The following KDM4B variants were observed in gnomAD, a reference collection of about 807,000 sequenced individuals.
The protein encoded by KDM4B is lysine demethylase 4B.
A neutral mutation model predicts 125.2 loss-of-function variants in KDM4B; 32 were observed. The ratio of observed to expected loss-of-function variants is 0.26; its 90% confidence interval spans 0.19 to 0.34. KDM4B has a LOEUF of 0.34. Ranked by LOEUF, KDM4B falls within the 10% of genes least tolerant of loss-of-function variation. The pLI, the probability that KDM4B is intolerant of heterozygous loss-of-function variation, is 1.00. For synonymous variants in KDM4B, 721 were observed against 677.9 expected (o/e 1.06, Z -0.99); for missense variants, 1,190 against 1,577.7 (o/e 0.75, Z 4.16).
intron 9 of KDM4B, among the ~76,000 whole-genome samples, chr19:5,092,830 G>A (rs2038738756): frequency 1.3e-5 from 2 of 152,178 alleles, no homozygotes; most frequent in South Asian, 2.1e-4. Flanking sequence ...AGGGCATCCC[G>A]GCTCATGGCT....
intron 1 of KDM4B, among the ~76,000 whole-genome samples, chr19:4,987,096 T>C (rs1599360387): frequency 6.6e-6 from 1 of 151,750 alleles, no homozygotes; most frequent in Non-Finnish European, 1.5e-5. Context: ...GTAGCTGGGA[T>C]CACAGGCGCC....
intron 9 of KDM4B, among the ~76,000 whole-genome samples, chr19:5,104,699 G>A (rs909653955): frequency 6.6e-6 from 1 of 151,964 alleles, no homozygotes; most frequent in African/African-American, 2.4e-5. Flanking sequence ...TAGGTGGAGC[G>A]TATTGGAACT....
At chr19:5,003,538 G>A (rs11671933) in intron 1 of KDM4B, among the ~76,000 whole-genome samples, 1 of 152,024 alleles carries the variant, frequency 6.6e-6, no homozygotes, top group African/African-American at 2.4e-5. Context: ...GCCAGGTGCA[G>A]TGGCTCACAC....
chr19:5,107,709 GGGCTGGGCAT>G (rs896553409), intron 9 of KDM4B, among the ~76,000 whole-genome samples: 3 of 152,190 alleles, frequency 2.0e-5, no homozygotes, highest in African/African-American at 7.2e-5. Flanking sequence ...CTCGCAGTGG[GGGCTGGGCAT>G]GTTCAGCAGG....
rs375400827 is a variant in KDM4B, at chr19:5,067,008, A to G, written c.627-4002A>G. Reference sequence around the variant, plus strand: ...GTGAGTCCTCAGACCTCCTAATAGCATTCGCCCTGATTTAGAACCAGATTC... The same window carrying G: ...GTGAGTCCTCAGACCTCCTAATAGCGTTCGCCCTGATTTAGAACCAGATTC... On this transcript the variant is annotated intron_variant, in intron 6 of 22. Coordinates refer to ENST00000159111, the MANE Select transcript of KDM4B (RefSeq NM_015015.3). Among the ~76,000 whole-genome samples, 278 of 152,160 alleles carry G rather than the reference A, an allele frequency of 1.8e-3. 2 individuals are homozygous for G. The highest frequency in any genetic ancestry group is 6.5e-3 in the African/African-American group (271 of 41,504).
chr19:4,973,399 G>T (rs2034328568), intron 1 of KDM4B, among the ~76,000 whole-genome samples: 1 of 152,118 alleles, frequency 6.6e-6, no homozygotes, highest in African/African-American at 2.4e-5. Context: ...ATGTTGACCA[G>T]GCTGGTCTCA....
chr19:5,091,500 C>G (rs183925674), intron 9 of KDM4B, among the ~76,000 whole-genome samples: 1 of 152,150 alleles, frequency 6.6e-6, no homozygotes, highest in South Asian at 2.1e-4. Context: ...ACGGCCCACT[C>G]GGCACCACCC....
At chr19:5,091,382 C>A (rs914698540) in intron 9 of KDM4B, among the ~76,000 whole-genome samples, 2 of 152,166 alleles carry the variant, frequency 1.3e-5, no homozygotes, top group Non-Finnish European at 2.9e-5. Flanking sequence ...GTGTGCCAGC[C>A]TCCCCGGGGA....
At chr19:5,045,912 C>G (rs2145697263) in intron 5 of KDM4B, among the ~76,000 whole-genome samples, 1 of 152,332 alleles carries the variant, frequency 6.6e-6, no homozygotes, top group East Asian at 1.9e-4. Context: ...GCCTGGCCAT[C>G]TTTTTCTGTT....
At chr19:5,062,157 G>T (rs747599276) in intron 6 of KDM4B, among the ~76,000 whole-genome samples, 3 of 152,198 alleles carry the variant, frequency 2.0e-5, no homozygotes, top group African/African-American at 4.8e-5. Flanking sequence ...AGCAGGCTGC[G>T]GTTGGTGACA....
intron 1 of KDM4B, among the ~76,000 whole-genome samples, chr19:4,979,133 A>C (rs1430685266): frequency 6.6e-6 from 1 of 151,854 alleles, no homozygotes; most frequent in Admixed American, 6.6e-5. Flanking sequence ...AACTAGAAAA[A>C]ATTTGCCAGA....
rs1201810480 is a variant in KDM4B, at chr19:5,152,524, G to A, written c.*1013G>A. The A allele has an allele frequency of 6.6e-6, 1 of 152,298 alleles. No individual in the cohort carries two copies. Among genetic ancestry groups the A allele is most frequent in the Non-Finnish European group, 1.5e-5 (1 of 68,104 alleles). 9.4% of individuals were successfully genotyped at this position (152,298 alleles called of 1,614,324 possible). ...GCTCTTCGGGTACAACCCTGAGCAG[G>A]TCGGGGGACACAGGGCCGAGGCAGG... On this transcript the variant is annotated 3_prime_UTR_variant, in exon 23 of 23. Coordinates refer to ENST00000159111, the MANE Select transcript of KDM4B (RefSeq NM_015015.3).
chr19:5,030,160 G>A (rs1290998075), intron 2 of KDM4B, among the ~76,000 whole-genome samples: 1 of 152,170 alleles, frequency 6.6e-6, no homozygotes, highest in Non-Finnish European at 1.5e-5. Context: ...AGGCTGGAGT[G>A]CAGTGGCGCA....
intron 1 of KDM4B, among the ~76,000 whole-genome samples, chr19:5,003,790 C>T (rs943509365): frequency 5.3e-5 from 8 of 152,070 alleles, no homozygotes; most frequent in Non-Finnish European, 7.4e-5. Flanking sequence ...GCCTGGGTGA[C>T]GAGAGTGAGA....
At chr19:5,127,404 C>A (rs1222297443) in intron 11 of KDM4B, among the ~76,000 whole-genome samples, 1 of 152,202 alleles carries the variant, frequency 6.6e-6, no homozygotes, top group Non-Finnish European at 1.5e-5. Context: ...TAACAGGGTC[C>A]CCTGTGTGTC....
At chr19:5,092,637 G>T (rs1391509806) in intron 9 of KDM4B, among the ~76,000 whole-genome samples, 1 of 152,206 alleles carries the variant, frequency 6.6e-6, no homozygotes, top group African/African-American at 2.4e-5. Flanking sequence ...GCTGCAGCTG[G>T]TTGCTGCCTG....
chr19:4,994,952 G>T lies in KDM4B; in HGVS notation c.-108-21305G>T, dbSNP rs566160763. Among the ~76,000 whole-genome samples the T allele has an allele frequency of 1.7e-4, 26 of 152,278 alleles. No individual in the cohort carries two copies. In the South Asian group the frequency reaches 4.6e-3, roughly 27 times the overall value. On this transcript the variant is annotated intron_variant, in intron 1 of 22. Coordinates refer to ENST00000159111, the MANE Select transcript of KDM4B (RefSeq NM_015015.3). The stretch of plus-strand genomic sequence containing the variant: ...CCAATATCATTTGAAGCAAGGCTGT[G>T]CTTACTCCTTTTGAACTGTGCTTAG...
At chr19:5,138,717 G>A (rs2039692384) in intron 18 of KDM4B, among the ~76,000 whole-genome samples, 1 of 152,130 alleles carries the variant, frequency 6.6e-6, no homozygotes, top group Non-Finnish European at 1.5e-5. Flanking sequence ...AGAAGCATCT[G>A]AGGTTCAGTA....
chr19:5,110,119 G>A (rs111330698), intron 9 of KDM4B, among the ~76,000 whole-genome samples: 334 of 152,254 alleles, frequency 2.2e-3, no homozygotes, highest in Non-Finnish European at 3.6e-3. Flanking sequence ...TTCCAACTCC[G>A]TGGAGGCAAA....
Sources: allele counts gnomAD v4.1 joint callset (sites outside exome capture counted in the v4.1 genomes callset), GRCh38; gene constraint gnomAD v4.1.1; transcripts MANE v1.5; gene names NCBI Gene and HGNC (gene_info 2026-07-23, HGNC 2026-07-21).